Variants in CNTNAP5 observed in about 807,000 individuals in gnomAD.
CNTNAP5 encodes the protein contactin-associated protein-like 5.
In CNTNAP5, 72 loss-of-function variants were observed where a neutral mutation model predicts 150.2. The ratio of observed to expected loss-of-function variants is 0.48; its 90% CI spans 0.40 to 0.58. The LOEUF (loss-of-function observed/expected upper bound fraction) is 0.58. CNTNAP5 is among the 20% of genes least tolerant of loss of function. The pLI, the probability that CNTNAP5 is intolerant of heterozygous loss-of-function variation, is 0.00. For missense variants in CNTNAP5, 1,636 were observed against 1,626.2 expected (o/e 1.01, Z -0.10); for synonymous variants, 672 against 619.8 (o/e 1.08, Z -1.25).
At chr2:124,228,728 G>T (rs772761612) in intron 2 of CNTNAP5, among the ~76,000 whole-genome samples, 20 of 152,016 alleles carry the variant, frequency 1.3e-4, no homozygotes, top group African/African-American at 3.9e-4. Flanking sequence ...TTTATTCATT[G>T]GTTCATTTAT....
rs537405409 is a variant in CNTNAP5, at chr2:124,474,021, CTAA to C, written c.919-711_919-709del. Reference sequence around the variant, plus strand: ...AAACCGCAGTTGCTTTTGCCTCAACCTAATAATAACAATTCAGTGTATTTCCTC... The same window carrying C: ...AAACCGCAGTTGCTTTTGCCTCAACCTAATAACAATTCAGTGTATTTCCTC... On this transcript the variant is annotated intron_variant, in intron 6 of 23. Coordinates refer to ENST00000682447, the MANE Select transcript of CNTNAP5 (RefSeq NM_001367498.1). Among the ~76,000 whole-genome samples, 392 of 152,072 alleles carry C rather than the reference CTAA, an allele frequency of 2.6e-3. 2 individuals are homozygous for C. The highest frequency in any genetic ancestry group is 8.6e-3 in the African/African-American group (357 of 41,514).
At chr2:124,577,143 C>T (rs961555817) in intron 11 of CNTNAP5, among the ~76,000 whole-genome samples, 2 of 152,132 alleles carry the variant, frequency 1.3e-5, no homozygotes, top group African/African-American at 4.8e-5. Context: ...TATTTTGGCT[C>T]TCAATGATCC....
intron 3 of CNTNAP5, among the ~76,000 whole-genome samples, chr2:124,287,442 G>A (rs1449667891): frequency 6.6e-6 from 1 of 152,080 alleles, no homozygotes; most frequent in African/African-American, 2.4e-5. Flanking sequence ...CGTTAATCTC[G>A]GCATTGTCCC....
intron 14 of CNTNAP5, among the ~76,000 whole-genome samples, chr2:124,757,372 G>A (rs1680861698): frequency 6.6e-6 from 1 of 152,210 alleles, no homozygotes. Flanking sequence ...TGAGACCTAA[G>A]GAGGACAGTG....
intron 1 of CNTNAP5, among the ~76,000 whole-genome samples, chr2:124,075,124 G>A (rs538429340): frequency 4.6e-5 from 7 of 151,944 alleles, no homozygotes; most frequent in Non-Finnish European, 8.8e-5. Context: ...TAACTTATAC[G>A]TATTTAGTAC....
intron 3 of CNTNAP5, among the ~76,000 whole-genome samples, chr2:124,353,499 C>T (rs562027651): frequency 3.9e-5 from 6 of 152,018 alleles, no homozygotes; most frequent in Admixed American, 6.6e-5. Context: ...GTAGCATGCT[C>T]TTGGGTCAGA....
At chr2:124,685,755 T>TGC (rs1679179464) in intron 13 of CNTNAP5, among the ~76,000 whole-genome samples, 5 of 123,610 alleles carry the variant, frequency 4.0e-5, no homozygotes, top group African/African-American at 1.5e-4. Flanking sequence ...TGTGTGTGTG[T>TGC]GTGTGTGCGC....
chr2:124,585,779 C>G (rs532874316), intron 11 of CNTNAP5, among the ~76,000 whole-genome samples: 5 of 149,410 alleles, frequency 3.3e-5, no homozygotes, highest in South Asian at 4.3e-4. Flanking sequence ...CTTTTAGTAC[C>G]CTTCAAAGAA....
At chr2:124,616,788 A>T (rs896926439) in intron 12 of CNTNAP5, among the ~76,000 whole-genome samples, 4 of 152,102 alleles carry the variant, frequency 2.6e-5, no homozygotes, top group African/African-American at 9.7e-5. Context: ...CCTAATTTTG[A>T]TATTGTTCCA....
chr2:124,855,334 C>T (rs1002066176), intron 19 of CNTNAP5, among the ~76,000 whole-genome samples: 2 of 151,972 alleles, frequency 1.3e-5, no homozygotes, highest in African/African-American at 4.8e-5. Context: ...TGTGCCACCA[C>T]GCTCGGCTAA....
intron 6 of CNTNAP5, among the ~76,000 whole-genome samples, chr2:124,457,078 A>G (rs1693137342): frequency 6.6e-6 from 1 of 152,222 alleles, no homozygotes; most frequent in Admixed American, 6.5e-5. Context: ...ACTTAATTAA[A>G]CTAAACAGCT....
intron 1 of CNTNAP5, among the ~76,000 whole-genome samples, chr2:124,170,594 C>G (rs138100233): frequency 7.0e-4 from 107 of 152,202 alleles, no homozygotes; most frequent in South Asian, 1.7e-3. Context: ...TAAGGAGTGC[C>G]CTGGGTAAGC....
intron 1 of CNTNAP5, among the ~76,000 whole-genome samples, chr2:124,197,097 G>T (rs1035147009): frequency 1.3e-5 from 2 of 152,046 alleles, no homozygotes. Flanking sequence ...TCAGAAAATT[G>T]CAGGAATATA....
At chr2:124,707,014 G>GAA (rs1367349043) in intron 13 of CNTNAP5, among the ~76,000 whole-genome samples, 2 of 95,676 alleles carry the variant, frequency 2.1e-5, no homozygotes, top group African/African-American at 6.5e-5. Context: ...AGAAGGAGGA[G>GAA]GAGGAGAAGA....
At chr2:124,789,791 G>T in intron 17 of CNTNAP5, 111 bp from the exon 18 acceptor site, 1 of 931,104 alleles carries the variant, frequency 1.1e-6, no homozygotes, top group Non-Finnish European at 1.6e-6. Flanking sequence ...AATTAATTTA[G>T]ACCTTCATGA....
At chr2:124,521,372 G>A (rs928597952) in intron 8 of CNTNAP5, among the ~76,000 whole-genome samples, 1 of 152,038 alleles carries the variant, frequency 6.6e-6, no homozygotes, top group Admixed American at 6.6e-5. Context: ...TAAAGAAAGG[G>A]CAGACCAAAA....
intron 5 of CNTNAP5, among the ~76,000 whole-genome samples, chr2:124,441,685 AT>A (rs1207918862): frequency 2.0e-5 from 3 of 151,322 alleles, no homozygotes; most frequent in Non-Finnish European, 4.4e-5. Flanking sequence ...ATGAACTCAG[AT>A]TTTTTTTTCT....
chr2:124,769,347 T>C (rs1363329190), intron 16 of CNTNAP5, among the ~76,000 whole-genome samples: 2 of 151,856 alleles, frequency 1.3e-5, no homozygotes, highest in African/African-American at 4.8e-5. Flanking sequence ...GTTTCATTTG[T>C]CTCAGAATTC....
At chr2:124,168,816 A>T (rs1428226878) in intron 1 of CNTNAP5, among the ~76,000 whole-genome samples, 4 of 152,196 alleles carry the variant, frequency 2.6e-5, no homozygotes. Context: ...TTTCTCACCA[A>T]AACAAAGCTA....
Sources: allele counts gnomAD v4.1 joint callset (sites outside exome capture counted in the v4.1 genomes callset), GRCh38; gene constraint gnomAD v4.1.1; transcripts MANE v1.5; gene names NCBI Gene and HGNC (gene_info 2026-07-23, HGNC 2026-07-21).